The following EPS15 variants were observed in gnomAD, a reference collection of about 807,000 sequenced individuals.
The protein encoded by EPS15 is epidermal growth factor receptor substrate 15.
In EPS15, 72 loss-of-function variants were observed where a neutral mutation model predicts 113.8. The observed-to-expected ratio is 0.63, with a 90% confidence interval of 0.52 to 0.77. The LOEUF (loss-of-function observed/expected upper bound fraction) is 0.77. Ranked by LOEUF, EPS15 falls within the 30% of genes least tolerant of loss-of-function variation. EPS15 has a pLI of 0.00. For missense variants in EPS15, 1,048 were observed against 1,045.8 expected, an observed-to-expected ratio of 1.00 and a Z score of -0.03; for synonymous variants, 344 against 363.4, an observed-to-expected ratio of 0.95 and a Z score of 0.61.
At chr1:51,442,677 C>T (rs1176530690) in intron 11 of EPS15, among the ~76,000 whole-genome samples, 1 of 152,110 alleles carries the variant, frequency 6.6e-6, no homozygotes, top group Non-Finnish European at 1.5e-5. Context: ...AAAATGCACA[C>T]AAGGACCAAG....
At chr1:51,395,251 C>T (rs1320028367) in intron 20 of EPS15, among the ~76,000 whole-genome samples, 1 of 152,086 alleles carries the variant, frequency 6.6e-6, no homozygotes, top group Non-Finnish European at 1.5e-5. Flanking sequence ...ATGTTAATAT[C>T]TCACATAATT....
intron 21 of EPS15, among the ~76,000 whole-genome samples, chr1:51,382,088 G>C (rs1367440761): frequency 6.6e-6 from 1 of 152,028 alleles, no homozygotes; most frequent in Non-Finnish European, 1.5e-5. Flanking sequence ...ACTAAAATCA[G>C]AAATGAAAGA....
chr1:51,386,887 A>G (rs928077472), intron 21 of EPS15, among the ~76,000 whole-genome samples: 20 of 152,222 alleles, frequency 1.3e-4, no homozygotes, highest in Non-Finnish European at 2.8e-4. Context: ...CAAGTTGGAA[A>G]ACACTCTGCA....
chr1:51,491,492 T>C (rs1644231753), intron 1 of EPS15, among the ~76,000 whole-genome samples: 1 of 152,136 alleles, frequency 6.6e-6, no homozygotes, highest in Admixed American at 6.5e-5. Context: ...TATCCATATC[T>C]AGAAAAGGCT....
intron 22 of EPS15, 138 bp downstream of exon 22, chr1:51,365,815 C>G (rs1405089011): frequency 2.3e-5 from 13 of 554,710 alleles, no homozygotes; most frequent in Non-Finnish European, 4.1e-5. Flanking sequence ...TCTTTCATTT[C>G]TATCTGAAAT....
chr1:51,381,809 G>A (rs535784244), intron 21 of EPS15, among the ~76,000 whole-genome samples: 2 of 152,134 alleles, frequency 1.3e-5, no homozygotes, highest in Admixed American at 1.3e-4. Context: ...GGATATAGCA[G>A]CAAAAGCTGT....
At chr1:51,479,970 T>C (rs561213332) in intron 2 of EPS15, among the ~76,000 whole-genome samples, 2 of 152,312 alleles carry the variant, frequency 1.3e-5, no homozygotes, top group South Asian at 4.1e-4. Context: ...CATATTTATA[T>C]GTAGTGAAGG....
intron 16 of EPS15, 32 bp downstream of exon 16, chr1:51,405,873 G>C (rs952452444): frequency 7.0e-6 from 11 of 1,573,592 alleles, no homozygotes; most frequent in Non-Finnish European, 8.7e-6. Flanking sequence ...CAAGGAGGTT[G>C]ATTATGAAGG....
At position 51,515,458 on chromosome 1, in the gene EPS15, T is replaced by C. The variant is rs992387280; in HGVS notation, c.33+3741A>G. 2.6e-5 allele frequency among the ~76,000 whole-genome samples: 4 copies of C among 151,102 alleles called. No individual in the cohort carries two copies. The Admixed American group carries it at 2.6e-4, about 10-fold the overall frequency. On this transcript the variant is annotated intron_variant, in intron 1 of 24. Coordinates refer to ENST00000371733, the MANE Select transcript of EPS15 (RefSeq NM_001981.3). ...CTGTACTCCAACATGGGTGACAGAG[T>C]GTGATCCTGTCTCAAAACAAAACAA...
intron 24 of EPS15, among the ~76,000 whole-genome samples, chr1:51,359,715 G>A (rs1410456576): frequency 1.3e-5 from 2 of 149,714 alleles, no homozygotes; most frequent in African/African-American, 4.9e-5. Flanking sequence ...CCAAGATCGC[G>A]CCTCCAGCCT....
intron 1 of EPS15, among the ~76,000 whole-genome samples, chr1:51,509,495 A>C (rs1644580930): frequency 6.6e-6 from 1 of 152,224 alleles, no homozygotes; most frequent in African/African-American, 2.4e-5. Flanking sequence ...GAGGATCAGA[A>C]ATCATTACAG....
chr1:51,445,201 G>A (rs1047182552), intron 10 of EPS15, among the ~76,000 whole-genome samples, 156 bp from the exon 11 acceptor site: 6 of 152,102 alleles, frequency 3.9e-5, no homozygotes, highest in Non-Finnish European at 8.8e-5. Flanking sequence ...TCAACTGTTC[G>A]AAGAGGTAGA....
chr1:51,504,615 T>C (rs1644466703), intron 1 of EPS15, among the ~76,000 whole-genome samples: 1 of 151,964 alleles, frequency 6.6e-6, no homozygotes. Flanking sequence ...AATAGACATT[T>C]CTCTAAAGAA....
intron 2 of EPS15, among the ~76,000 whole-genome samples, chr1:51,477,939 G>T (rs547991659): frequency 4.7e-4 from 71 of 152,292 alleles, no homozygotes; most frequent in African/African-American, 1.6e-3. Context: ...TGTTGATTTG[G>T]GGTGGAGAGT....
chr1:51,450,078 ATTCCT>A (rs1653413620), intron 8 of EPS15, among the ~76,000 whole-genome samples: 1 of 151,652 alleles, frequency 6.6e-6, no homozygotes, highest in Non-Finnish European at 1.5e-5. Context: ...CCAAGGAGGT[ATTCCT>A]AATAGCTCAG....
chr1:51,438,882 CGTGA>C (rs1000721076), intron 12 of EPS15, among the ~76,000 whole-genome samples: 29 of 150,936 alleles, frequency 1.9e-4, no homozygotes, highest in Admixed American at 4.6e-4. Context: ...TTTTTTTTTC[CGTGA>C]GTAAGGACAA....
At chr1:51,507,353 T>C (rs1486797367) in intron 1 of EPS15, among the ~76,000 whole-genome samples, 1 of 151,964 alleles carries the variant, frequency 6.6e-6, no homozygotes, top group African/African-American at 2.4e-5. Context: ...GCAGACCACA[T>C]AGGAAAACAC....
intron 20 of EPS15, among the ~76,000 whole-genome samples, chr1:51,398,343 G>A (rs1422959686): frequency 3.3e-5 from 5 of 152,284 alleles, no homozygotes; most frequent in South Asian, 2.1e-4. Flanking sequence ...GTGAGCCACC[G>A]CGCCCAGCCA....
chr1:51,463,832 TAAGAG>T lies in EPS15; in HGVS notation c.376-39_376-35del, dbSNP rs758423252. The stretch of plus-strand genomic sequence containing the variant: ...AAAAACAAAATCACAAGTTAAATAA[TAAGAG>T]AAAAGGATTTAACTGCAGTTATAAA... On this transcript the variant is annotated intron_variant, in intron 6 of 24. Coordinates refer to ENST00000371733, the MANE Select transcript of EPS15 (RefSeq NM_001981.3). 111 of 1,423,348 alleles carry T rather than the reference TAAGAG, an allele frequency of 7.8e-5. 1 individual carries two copies. Among genetic ancestry groups the T allele is most frequent in the Non-Finnish European group, 1.0e-4 (103 of 1,027,220 alleles). The allele number at this position is 1,423,348 out of a possible 1,614,324, so 88.2% of individuals were successfully genotyped here.
Sources: gnomAD v4.1 joint callset for allele counts (sites outside exome capture counted in the v4.1 genomes callset) on GRCh38, gnomAD v4.1.1 for gene constraint, MANE v1.5 for transcripts, NCBI Gene and HGNC (gene_info 2026-07-23, HGNC 2026-07-21) for gene names.